The following PARD3 variants were observed in gnomAD, a reference collection of about 807,000 sequenced individuals.
The protein encoded by PARD3 is partitioning defective 3 homolog.
In PARD3, 75 loss-of-function variants were observed where a neutral mutation model predicts 155.4. The ratio of observed to expected loss-of-function variants is 0.48; its 90% CI spans 0.40 to 0.58. The LOEUF (loss-of-function observed/expected upper bound fraction) is 0.58. Ranked by LOEUF, PARD3 falls within the 20% of genes least tolerant of loss-of-function variation. The pLI, the probability that PARD3 is intolerant of heterozygous loss-of-function variation, is 0.00. For synonymous variants in PARD3, 576 were observed against 610.5 expected (o/e 0.94, Z 0.83); for missense variants, 1,642 against 1,721.7 (o/e 0.95, Z 0.82).
intron 1 of PARD3, among the ~76,000 whole-genome samples, chr10:34,755,535 G>A (rs1836605381): frequency 6.6e-6 from 1 of 152,140 alleles, no homozygotes; most frequent in Admixed American, 6.6e-5. Flanking sequence ...TCATAACTTG[G>A]TGTCTGTCTA....
intron 22 of PARD3, among the ~76,000 whole-genome samples, chr10:34,263,151 A>G (rs1295747509): frequency 1.3e-5 from 2 of 152,242 alleles, no homozygotes; most frequent in South Asian, 2.1e-4. Flanking sequence ...TGCTGAAAGC[A>G]TATGTGTTTT....
chr10:34,329,816 T>C (rs1835419803), intron 19 of PARD3, among the ~76,000 whole-genome samples: 1 of 152,234 alleles, frequency 6.6e-6, no homozygotes, highest in African/African-American at 2.4e-5. Context: ...CTCTAAGTTA[T>C]GCTTCGCATA....
chr10:34,400,710 G>A (rs1456121173), intron 6 of PARD3, among the ~76,000 whole-genome samples: 7 of 152,016 alleles, frequency 4.6e-5, no homozygotes, highest in Admixed American at 4.6e-4. Flanking sequence ...CATAAAGACA[G>A]GAATATCAAG....
intron 4 of PARD3, among the ~76,000 whole-genome samples, chr10:34,466,446 G>C (rs1210246290): frequency 2.0e-5 from 3 of 152,130 alleles, no homozygotes; most frequent in Non-Finnish European, 4.4e-5. Context: ...TTCCTGCTTA[G>C]AAACAAGATT....
At chr10:34,137,980 T>A (rs2132837355) in intron 22 of PARD3, among the ~76,000 whole-genome samples, 1 of 152,300 alleles carries the variant, frequency 6.6e-6, no homozygotes, top group East Asian at 1.9e-4. Context: ...ATGGGGGCTG[T>A]ACATTCTTGT....
chr10:34,706,711 C>T (rs1187902589), intron 1 of PARD3, among the ~76,000 whole-genome samples: 5 of 152,120 alleles, frequency 3.3e-5, no homozygotes, highest in Admixed American at 6.5e-5. Flanking sequence ...CTGTGAGCCA[C>T]GATTGTACCA....
chr10:34,186,546 C>T (rs1370936169), intron 22 of PARD3, among the ~76,000 whole-genome samples: 1 of 152,014 alleles, frequency 6.6e-6, no homozygotes, highest in Non-Finnish European at 1.5e-5. Context: ...AGGACCACAA[C>T]CAGTTGCAGA....
At chr10:34,341,584 C>A in intron 16 of PARD3, 43 bp downstream of exon 16, 1 of 1,502,912 alleles carries the variant, frequency 6.7e-7, no homozygotes, top group Admixed American at 1.9e-5. Context: ...TAAAATGGGA[C>A]TGTAATTAAT....
chr10:34,614,052 T>C (rs1299032197), intron 2 of PARD3, among the ~76,000 whole-genome samples: 2 of 152,162 alleles, frequency 1.3e-5, no homozygotes, highest in Non-Finnish European at 2.9e-5. Context: ...CATACATGTG[T>C]TTGTATGCTT....
At chr10:34,665,715 A>C (rs1470461862) in intron 2 of PARD3, among the ~76,000 whole-genome samples, 1 of 149,826 alleles carries the variant, frequency 6.7e-6, no homozygotes, top group African/African-American at 2.5e-5. Flanking sequence ...GCACGTGCCT[A>C]TAGTTCCAGC....
At chr10:34,766,617 CAAAA>C (rs34958448) in intron 1 of PARD3, among the ~76,000 whole-genome samples, 6 of 81,788 alleles carry the variant, frequency 7.3e-5, no homozygotes, top group African/African-American at 2.7e-4. Context: ...ACTTAATTGA[CAAAA>C]AAAAAAAAAA....
intron 22 of PARD3, among the ~76,000 whole-genome samples, chr10:34,173,882 C>T (rs1337601729): frequency 2.0e-5 from 3 of 152,122 alleles, no homozygotes; most frequent in African/African-American, 7.2e-5. Flanking sequence ...TGAATGTGGC[C>T]CCAGGAATTC....
At chr10:34,258,155 G>C (rs1954756522) in intron 22 of PARD3, among the ~76,000 whole-genome samples, 1 of 152,176 alleles carries the variant, frequency 6.6e-6, no homozygotes, top group Non-Finnish European at 1.5e-5. Context: ...GGCTTAGACT[G>C]CATCTTGGAG....
intron 22 of PARD3, among the ~76,000 whole-genome samples, chr10:34,229,687 T>TTC (rs397947434): frequency 1.3e-5 from 2 of 150,822 alleles, no homozygotes; most frequent in African/African-American, 2.5e-5. Context: ...TGTGTGTGTG[T>TTC]TCAACCTGCT....
chr10:34,535,473 G>C (rs1177311361), intron 2 of PARD3, among the ~76,000 whole-genome samples: 1 of 152,048 alleles, frequency 6.6e-6, no homozygotes, highest in Non-Finnish European at 1.5e-5. Context: ...CAATATTAAA[G>C]TAAGATATGT....
intron 20 of PARD3, among the ~76,000 whole-genome samples, chr10:34,313,837 T>C (rs1285649352): frequency 1.3e-5 from 2 of 152,114 alleles, no homozygotes; most frequent in Non-Finnish European, 2.9e-5. Flanking sequence ...AAGGAAAACA[T>C]ATTACTTCCT....
chr10:34,664,351 C>T (rs1345407138), intron 2 of PARD3, among the ~76,000 whole-genome samples: 5 of 151,612 alleles, frequency 3.3e-5, no homozygotes, highest in Non-Finnish European at 5.9e-5. Context: ...TACAGGTGTG[C>T]ACCCCCAGGC....
chr10:34,622,375 T>C (rs78889453), intron 2 of PARD3, among the ~76,000 whole-genome samples: 2 of 152,306 alleles, frequency 1.3e-5, no homozygotes, highest in South Asian at 4.1e-4. Flanking sequence ...TAAATTAACA[T>C]ACAAAGGGAC....
At chr10:34,116,665 G>A (rs1188016457) in intron 24 of PARD3, among the ~76,000 whole-genome samples, 1 of 152,216 alleles carries the variant, frequency 6.6e-6, no homozygotes, top group African/African-American at 2.4e-5. Flanking sequence ...AAGACAAGAA[G>A]ATACTGCAGA....
Sources: allele counts gnomAD v4.1 joint callset (sites outside exome capture counted in the v4.1 genomes callset), GRCh38; gene constraint gnomAD v4.1.1; transcripts MANE v1.5; gene names NCBI Gene and HGNC (gene_info 2026-07-23, HGNC 2026-07-21).